The following UTS2B variants were observed in gnomAD, a reference collection of about 807,000 sequenced individuals.
UTS2B encodes urotensin 2B, also known as urotensin-2B.
In UTS2B, 21 loss-of-function variants were observed where a neutral mutation model predicts 19.2. The observed-to-expected ratio is 1.09, with a 90% CI of 0.78 to 1.58. The LOEUF is 1.58. UTS2B is among the 40% of genes most tolerant of loss of function. UTS2B has a pLI of 0.00. For synonymous variants in UTS2B, 57 were observed against 50.2 expected (o/e 1.14, Z -0.58); for missense variants, 138 against 130.3 (o/e 1.06, Z -0.29).
upstream of UTS2B, among the ~76,000 whole-genome samples, chr3:191,335,025 A>G (rs1397384212): frequency 6.6e-6 from 1 of 152,204 alleles, no homozygotes; most frequent in Non-Finnish European, 1.5e-5. Flanking sequence ...AAAGAGGCTA[A>G]TATTTAAAGG....
rs142950511 is a variant in UTS2B, at chr3:191,325,851, G to A, written c.-586+2780C>T. Among the ~76,000 whole-genome samples the A allele has an allele frequency of 6.6e-5, 10 of 152,306 alleles. No homozygotes were observed. The East Asian group carries it at 1.9e-3, about 29-fold the overall frequency. On this transcript the variant is annotated intron_variant, in intron 2 of 8. Coordinates refer to ENST00000340524, the MANE Select transcript of UTS2B (RefSeq NM_198152.5). ...AAGAAACCAAATGTTCTGACACCTT[G>A]CTCTTGGACTTCTAGCCTCCAGAAC... is the stretch of plus-strand genomic sequence containing the variant.
intron 2 of UTS2B, among the ~76,000 whole-genome samples, chr3:191,322,635 T>A (rs1349672899): frequency 6.6e-6 from 1 of 152,134 alleles, no homozygotes; most frequent in Non-Finnish European, 1.5e-5. Context: ...TGAAGGGGAC[T>A]GGAGATATGA....
At chr3:191,308,199 G>A (rs1026837946) in intron 3 of UTS2B, among the ~76,000 whole-genome samples, 9 of 152,252 alleles carry the variant, frequency 5.9e-5, no homozygotes, top group African/African-American at 1.7e-4. Flanking sequence ...TGAGAATGGC[G>A]AGAGCTATCG....
chr3:191,345,467 A>G, the UTS2B span, among the ~76,000 whole-genome samples: 10 of 152,184 alleles, frequency 6.6e-5, no homozygotes, highest in East Asian at 1.9e-3. Flanking sequence ...CTCTCACTCC[A>G]GATCATTTGT....
intron 4 of UTS2B, among the ~76,000 whole-genome samples, chr3:191,286,250 G>T (rs368316456): frequency 1.3e-5 from 2 of 152,286 alleles, no homozygotes; most frequent in African/African-American, 4.8e-5. Flanking sequence ...AGGGAAGCAT[G>T]AGACTTAAAG....
At chr3:191,333,506 A>G (rs191481394), upstream of UTS2B, among the ~76,000 whole-genome samples, 58 of 152,208 alleles carry the variant, frequency 3.8e-4, no homozygotes, top group Admixed American at 1.6e-3. Context: ...CGGCAAACCC[A>G]CTTTCCCTGT....
rs548085295 is a variant in UTS2B at position 191,270,483 on chromosome 3, C to T, written c.335-2042G>A. On this transcript the variant is annotated intron_variant, in intron 8 of 8. Transcript: ENST00000340524. ...AAAGTAGTGGGATTGCAGGTGTGAG[C>T]CACTGGTACCTGACCTACAAACATG... is the stretch of plus-strand genomic sequence containing the variant. Among the ~76,000 whole-genome samples, 6 of 152,268 alleles carry T rather than the reference C, an allele frequency of 3.9e-5. No individual in the cohort carries two copies. In the East Asian group the frequency reaches 1.2e-3, roughly 29 times the overall value.
At chr3:191,313,470 A>C (rs977472297) in intron 3 of UTS2B, among the ~76,000 whole-genome samples, 1 of 152,186 alleles carries the variant, frequency 6.6e-6, no homozygotes, top group Non-Finnish European at 1.5e-5. Flanking sequence ...TACCTGCAAG[A>C]ACACACTCCT....
intron 4 of UTS2B, among the ~76,000 whole-genome samples, chr3:191,291,715 G>C (rs954769976): frequency 6.6e-6 from 1 of 152,180 alleles, no homozygotes; most frequent in Non-Finnish European, 1.5e-5. Context: ...GCCTCTCAAA[G>C]TGCTGGGATT....
At chr3:191,325,807 C>T (rs1283792565) in intron 2 of UTS2B, among the ~76,000 whole-genome samples, 1 of 152,184 alleles carries the variant, frequency 6.6e-6, no homozygotes, top group Admixed American at 6.5e-5. Flanking sequence ...AATCTGCAAA[C>T]TAAAAAGAGG....
At position 191,274,417 on chromosome 3, in the gene UTS2B, A is replaced by G. The variant is rs73057450; in HGVS notation, c.334+835T>C. On this transcript the variant is annotated intron_variant, in intron 8 of 8. Coordinates refer to ENST00000340524, the MANE Select transcript of UTS2B (RefSeq NM_198152.5). ...TACTCCTCCCAACAATCCCATGAAG[A>G]TTATTATCATTATCCGCATTTTTAG... Among the ~76,000 whole-genome samples, 994 of 152,322 alleles carry G rather than the reference A, an allele frequency of 6.5e-3. 12 individuals carry two copies. The highest frequency in any genetic ancestry group is 0.023 in the African/African-American group (944 of 41,558).
chr3:191,311,760 A>G (rs1285308394), intron 3 of UTS2B, among the ~76,000 whole-genome samples: 2 of 152,150 alleles, frequency 1.3e-5, no homozygotes, highest in Non-Finnish European at 2.9e-5. Flanking sequence ...GTTAGGTGAT[A>G]TTTCTCAGCT....
chr3:191,324,573 C>T (rs1437934297), intron 2 of UTS2B, among the ~76,000 whole-genome samples: 1 of 152,234 alleles, frequency 6.6e-6, no homozygotes, highest in Non-Finnish European at 1.5e-5. Flanking sequence ...CACAAGCTCT[C>T]TTGCCTGCCA....
At chr3:191,305,859 C>T (rs1354104782) in intron 3 of UTS2B, among the ~76,000 whole-genome samples, 1 of 151,978 alleles carries the variant, frequency 6.6e-6, no homozygotes, top group Non-Finnish European at 1.5e-5. Context: ...AAGGAAGGGC[C>T]CAGTTTCAAT....
the UTS2B span, among the ~76,000 whole-genome samples, chr3:191,341,304 G>C: frequency 6.6e-6 from 1 of 152,178 alleles, no homozygotes; most frequent in Non-Finnish European, 1.5e-5. Context: ...GTGAGTAGCA[G>C]ATGCTTTCTT....
rs1335150772 is a variant in UTS2B at position 191,268,224 on chromosome 3, T to C, written c.*192A>G. The C allele has an allele frequency of 6.7e-6, 3 of 449,992 alleles. No homozygotes were observed. The highest frequency in any genetic ancestry group is 1.2e-5 in the Non-Finnish European group (3 of 244,934). 27.9% of individuals were successfully genotyped at this position (449,992 alleles called of 1,614,324 possible). A position where few individuals can be genotyped will look rare whatever the true frequency, so the allele number is the denominator to read the frequency against. On this transcript the variant is annotated 3_prime_UTR_variant, in exon 9 of 9. Transcript: ENST00000340524. ...CTCTACAGGGGGAAGCAAGTGCTGT[T>C]GGCTCATTCTGGCAGTCCAACCTGG... is the stretch of plus-strand genomic sequence containing the variant.
At chr3:191,344,757 T>G in the UTS2B span, among the ~76,000 whole-genome samples, 3 of 152,088 alleles carry the variant, frequency 2.0e-5, no homozygotes, top group Non-Finnish European at 2.9e-5. Context: ...TTTTTGTATT[T>G]TTGTGGAGAC....
At chr3:191,338,761 A>C in the UTS2B span, among the ~76,000 whole-genome samples, 622 of 152,284 alleles carry the variant, frequency 4.1e-3, 2 homozygotes, top group African/African-American at 0.014. Flanking sequence ...CCAGCTCTCA[A>C]ATTTCTATAA....
chr3:191,325,832 C>T (rs1271354088), intron 2 of UTS2B, among the ~76,000 whole-genome samples: 1 of 152,176 alleles, frequency 6.6e-6, no homozygotes, highest in Non-Finnish European at 1.5e-5. Flanking sequence ...TCAGAAGAAA[C>T]CAAATGTTCT....
Sources: allele counts gnomAD v4.1 joint callset (sites outside exome capture counted in the v4.1 genomes callset), GRCh38; gene constraint gnomAD v4.1.1; transcripts MANE v1.5; gene names NCBI Gene and HGNC (gene_info 2026-07-23, HGNC 2026-07-21).